Variants in DCBLD2 observed in about 807,000 individuals in gnomAD.
The protein encoded by DCBLD2 is discoidin, CUB and LCCL domain containing 2.
A neutral mutation model predicts 86.8 loss-of-function variants in DCBLD2; 54 were observed. The observed-to-expected ratio is 0.62, with a 90% confidence interval of 0.50 to 0.78. DCBLD2 has a LOEUF of 0.78. Among genes scored for constraint, DCBLD2 ranks in the 30% least tolerant of loss-of-function variants. DCBLD2 has a pLI of 0.00. For synonymous variants in DCBLD2, 354 were observed against 341.3 expected (o/e 1.04, Z -0.41); for missense variants, 908 against 954.2 (o/e 0.95, Z 0.64).
At chr3:98,863,079 A>AGACAAACAG in intron 2 of DCBLD2, among the ~76,000 whole-genome samples, 1 of 152,330 alleles carries the variant, frequency 6.6e-6, no homozygotes, top group Non-Finnish European at 1.5e-5. Context: ...TACCAATAAC[A>AGACAAACAG]GACAAACAGA....
At chr3:98,897,490 G>A (rs1438240961) in intron 1 of DCBLD2, among the ~76,000 whole-genome samples, 1 of 152,148 alleles carries the variant, frequency 6.6e-6, no homozygotes, top group Non-Finnish European at 1.5e-5. Context: ...TAATGTCAAT[G>A]TGAAAAATAA....
At chr3:98,826,898 A>G (rs1048301866) in intron 3 of DCBLD2, among the ~76,000 whole-genome samples, 5 of 152,198 alleles carry the variant, frequency 3.3e-5, no homozygotes, top group Non-Finnish European at 7.3e-5. Context: ...TGATGGAGAT[A>G]GCTCCTAGCA....
intron 1 of DCBLD2, 114 bp from the exon 2 acceptor site, chr3:98,881,881 C>T: frequency 9.8e-7 from 1 of 1,023,680 alleles, no homozygotes. Context: ...TTATACCACC[C>T]ATACTTTCTA....
chr3:98,809,510 G>A (rs1172768347), intron 12 of DCBLD2, among the ~76,000 whole-genome samples: 2 of 152,102 alleles, frequency 1.3e-5, no homozygotes, highest in Non-Finnish European at 2.9e-5. Flanking sequence ...TCACTGCAGT[G>A]AACAGAGGAT....
intron 2 of DCBLD2, among the ~76,000 whole-genome samples, chr3:98,873,518 G>A (rs140757075): frequency 1.7e-3 from 252 of 152,104 alleles, no homozygotes; most frequent in Admixed American, 6.6e-3. Context: ...AAATAAACCT[G>A]TTAAACAATT....
Position 98,901,538 on chromosome 3 carries a change from G to T in DCBLD2, c.-212C>A. ...TCCGCTCCCCGCGCCGAGACCCCAG[G>T]CCGGAGCGCAGGGGAGGGGAGGGAA... is the stretch of plus-strand genomic sequence containing the variant. On this transcript the variant is annotated 5_prime_UTR_variant, in exon 1 of 16. Transcript: ENST00000326840. 1 of 400,022 alleles carries T rather than the reference G, an allele frequency of 2.5e-6. No homozygotes were observed. Among genetic ancestry groups the T allele is most frequent in the Non-Finnish European group, 4.2e-6 (1 of 240,030 alleles). 24.8% of individuals were successfully genotyped at this position (400,022 alleles called of 1,614,324 possible).
At chr3:98,889,532 G>A (rs1006964147) in intron 1 of DCBLD2, among the ~76,000 whole-genome samples, 5 of 152,036 alleles carry the variant, frequency 3.3e-5, no homozygotes, top group African/African-American at 1.2e-4. Context: ...GCTATTTAAT[G>A]CTGATTAAAG....
intron 1 of DCBLD2, chr3:98,890,501 T>C (rs542204887): frequency 7.2e-5 from 11 of 152,178 alleles, no homozygotes; most frequent in Non-Finnish European, 1.6e-4. Context: ...TGGTACTTTG[T>C]TACAGCTGCC....
intron 2 of DCBLD2, among the ~76,000 whole-genome samples, chr3:98,862,839 C>G (rs1943070529): frequency 6.6e-6 from 1 of 152,168 alleles, no homozygotes. Context: ...CTCACTACTC[C>G]TATTTCATAT....
intron 1 of DCBLD2, among the ~76,000 whole-genome samples, chr3:98,887,893 T>C (rs997584665): frequency 2.0e-5 from 3 of 152,068 alleles, no homozygotes; most frequent in Admixed American, 6.6e-5. Flanking sequence ...GTACATTCTA[T>C]AGGTCTGGAC....
chr3:98,891,202 G>A (rs994381328), intron 1 of DCBLD2, among the ~76,000 whole-genome samples: 8 of 151,356 alleles, frequency 5.3e-5, no homozygotes, highest in African/African-American at 1.9e-4. Context: ...GAGAAGGAGA[G>A]AGGGAGAGGG....
chr3:98,852,238 CTAGGA>C (rs1324742962), intron 2 of DCBLD2, among the ~76,000 whole-genome samples: 1 of 137,588 alleles, frequency 7.3e-6, no homozygotes, highest in African/African-American at 2.7e-5. Flanking sequence ...TTTAATGCTT[CTAGGA>C]TATTTCTTTT....
At chr3:98,838,566 G>A (rs1576173523) in intron 3 of DCBLD2, among the ~76,000 whole-genome samples, 2 of 149,510 alleles carry the variant, frequency 1.3e-5, no homozygotes, top group East Asian at 4.0e-4. Context: ...TTCCAGACTG[G>A]GCAGCCAGGC....
chr3:98,824,298 C>A (rs1277286856), intron 4 of DCBLD2, among the ~76,000 whole-genome samples: 1 of 144,552 alleles, frequency 6.9e-6, no homozygotes, highest in Non-Finnish European at 1.5e-5. Context: ...TGAGTGGAGG[C>A]TGGGACACCA....
At chr3:98,862,259 G>T (rs1037153329) in intron 2 of DCBLD2, among the ~76,000 whole-genome samples, 3 of 152,166 alleles carry the variant, frequency 2.0e-5, no homozygotes, top group African/African-American at 7.2e-5. Flanking sequence ...TCCAGGACCA[G>T]ACAGATTCAC....
At chr3:98,822,631 T>G in intron 5 of DCBLD2, 38 bp downstream of exon 5, 1 of 1,522,782 alleles carries the variant, frequency 6.6e-7, no homozygotes, top group Non-Finnish European at 8.8e-7. Context: ...AAAATAGAGT[T>G]ATATCACAAT....
At chr3:98,821,061 T>G (rs1942112567) in intron 6 of DCBLD2, 1 of 151,312 alleles carries the variant, frequency 6.6e-6, no homozygotes, top group African/African-American at 2.4e-5. Context: ...ATGGCCTGTT[T>G]TGTATGGGCC....
chr3:98,870,801 G>GAAAGAAAGAA lies in DCBLD2; in HGVS notation c.433+10729_433+10738dup, dbSNP rs1408260303. ...AGAAAGAAAGAAAGAAAGAAAGAAA[G>GAAAGAAAGAA]AAAGAAAGAAAGGTAGGCAGGCATT... On this transcript the variant is annotated intron_variant, in intron 2 of 15. Coordinates refer to ENST00000326840, the MANE Select transcript of DCBLD2 (RefSeq NM_080927.4). 5.3e-5 allele frequency among the ~76,000 whole-genome samples: 8 copies of GAAAGAAAGAA among 149,784 alleles called. No individual in the cohort carries two copies. In the East Asian group the frequency reaches 1.2e-3, roughly 22 times the overall value.
chr3:98,857,394 C>T (rs575350795), intron 2 of DCBLD2, among the ~76,000 whole-genome samples: 6 of 152,304 alleles, frequency 3.9e-5, no homozygotes, highest in East Asian at 3.9e-4. Context: ...CTGCTGGCTC[C>T]GGCAGCCTGC....
Sources: allele counts gnomAD v4.1 joint callset (sites outside exome capture counted in the v4.1 genomes callset), GRCh38; gene constraint gnomAD v4.1.1; transcripts MANE v1.5; gene names NCBI Gene and HGNC (gene_info 2026-07-23, HGNC 2026-07-21).